HS3ST1: variants seen among roughly 807,000 people sequenced by gnomAD.
HS3ST1 encodes the protein heparan sulfate-glucosamine 3-sulfotransferase 1.
HS3ST1 carries 8 observed loss-of-function variants against 20.7 expected under a neutral mutation model. The observed-to-expected ratio is 0.39, with a 90% CI of 0.23 to 0.70. The LOEUF is 0.70. HS3ST1 is among the 30% of genes least tolerant of loss of function. The pLI, the probability that HS3ST1 is intolerant of heterozygous loss-of-function variation, is 0.46. For missense variants in HS3ST1, 436 were observed against 423.4 expected (o/e 1.03, Z -0.26); for synonymous variants, 205 against 190.4 (o/e 1.08, Z -0.63).
At chr4:11,419,482 T>C (rs1265101050) in intron 1 of HS3ST1, among the ~76,000 whole-genome samples, 1 of 150,954 alleles carries the variant, frequency 6.6e-6, no homozygotes, top group Non-Finnish European at 1.5e-5. Context: ...CTGTCGGAGG[T>C]TGGGGAGAGG....
chr4:11,424,650 C>G (rs1172160088), intron 1 of HS3ST1, among the ~76,000 whole-genome samples: 1 of 152,154 alleles, frequency 6.6e-6, no homozygotes, highest in East Asian at 1.9e-4. Context: ...GATGGTGTTG[C>G]AGAAAAGGCA....
chr4:11,432,266 T>C (rs948187834), upstream of HS3ST1, among the ~76,000 whole-genome samples: 4 of 152,166 alleles, frequency 2.6e-5, no homozygotes, highest in African/African-American at 9.7e-5. Context: ...TAACCCCCAG[T>C]CTAGTGGGCA....
chr4:11,426,553 T>C (rs1465554050), intron 1 of HS3ST1, among the ~76,000 whole-genome samples: 2 of 152,194 alleles, frequency 1.3e-5, no homozygotes, highest in Non-Finnish European at 2.9e-5. Flanking sequence ...TCTCACCAGC[T>C]TCTCAGAACA....
chr4:11,422,395 G>A (rs1440642406), intron 1 of HS3ST1, among the ~76,000 whole-genome samples: 1 of 152,162 alleles, frequency 6.6e-6, no homozygotes, highest in African/African-American at 2.4e-5. Flanking sequence ...GAGAGTGTGA[G>A]AAAGTAAGCA....
chr4:11,405,062 A>C (rs1330559264), intron 1 of HS3ST1, among the ~76,000 whole-genome samples: 1 of 152,240 alleles, frequency 6.6e-6, no homozygotes, highest in African/African-American at 2.4e-5. Flanking sequence ...CAAGTTATTA[A>C]TGAACTTGGC....
At chr4:11,413,470 G>A (rs1044775303) in intron 1 of HS3ST1, among the ~76,000 whole-genome samples, 3 of 152,052 alleles carry the variant, frequency 2.0e-5, no homozygotes, top group East Asian at 1.9e-4. Context: ...AGCCTCTTCC[G>A]CCTCTTCCTT....
Position 11,398,504 on chromosome 4 carries a change from A to G in HS3ST1, c.*578T>C, listed in dbSNP as rs1718207655. 6.6e-6 allele frequency: 1 copy of G among 152,292 alleles called. No individual in the cohort carries two copies. The highest frequency in any genetic ancestry group is 1.5e-5 in the Non-Finnish European group (1 of 68,094). The allele number at this position is 152,292 out of a possible 1,614,324, so 9.4% of individuals were successfully genotyped here. On this transcript the variant is annotated 3_prime_UTR_variant, in exon 2 of 2. Coordinates refer to ENST00000002596, the MANE Select transcript of HS3ST1 (RefSeq NM_005114.4). The stretch of plus-strand genomic sequence containing the variant: ...CTCCATCCTGAATATTGCTTTGTTT[A>G]CTTGAAGTTTACACATGGGAATGAG...
intron 1 of HS3ST1, among the ~76,000 whole-genome samples, chr4:11,426,147 T>G (rs1261344049): frequency 2.6e-5 from 4 of 152,198 alleles, no homozygotes; most frequent in Non-Finnish European, 5.9e-5. Flanking sequence ...TACATCTTAC[T>G]GTGCCTTCCT....
At chr4:11,406,045 CA>C (rs1362021858) in intron 1 of HS3ST1, among the ~76,000 whole-genome samples, 1 of 152,178 alleles carries the variant, frequency 6.6e-6, no homozygotes, top group East Asian at 1.9e-4. Flanking sequence ...CACACTGTCA[CA>C]GGCAGGAATC....
intron 1 of HS3ST1, among the ~76,000 whole-genome samples, chr4:11,419,394 C>T (rs140513817): frequency 7.2e-4 from 109 of 152,124 alleles, no homozygotes; most frequent in African/African-American, 2.4e-3. Flanking sequence ...TTTGTGACAC[C>T]GCATGTTCTC....
At chr4:11,417,757 G>C (rs1289590561) in intron 1 of HS3ST1, among the ~76,000 whole-genome samples, 5 of 152,126 alleles carry the variant, frequency 3.3e-5, no homozygotes, top group Non-Finnish European at 7.3e-5. Flanking sequence ...TGACAGAGCT[G>C]GGAAGGAAAA....
At chr4:11,404,819 C>T (rs554806343) in intron 1 of HS3ST1, among the ~76,000 whole-genome samples, 43 of 152,244 alleles carry the variant, frequency 2.8e-4, no homozygotes, top group Non-Finnish European at 5.7e-4. Context: ...CCATCTGCAG[C>T]AATTGCTACT....
intron 1 of HS3ST1, among the ~76,000 whole-genome samples, chr4:11,424,618 C>T (rs1719016742): frequency 6.6e-6 from 1 of 152,130 alleles, no homozygotes. Context: ...TGAAAGGAAC[C>T]TGGGCACCAG....
At chr4:11,433,613 C>T (rs1012123434), upstream of HS3ST1, among the ~76,000 whole-genome samples, 7 of 152,074 alleles carry the variant, frequency 4.6e-5, no homozygotes, top group Non-Finnish European at 5.9e-5. Context: ...TTTGATGAGT[C>T]GGTCTTAATG....
At chr4:11,418,586 C>G (rs1718846903) in intron 1 of HS3ST1, among the ~76,000 whole-genome samples, 1 of 152,128 alleles carries the variant, frequency 6.6e-6, no homozygotes, top group Admixed American at 6.6e-5. Context: ...AGCTCTGGCC[C>G]CAAGAATGAT....
upstream of HS3ST1, among the ~76,000 whole-genome samples, chr4:11,430,102 C>T (rs1484850377): frequency 6.6e-6 from 1 of 152,078 alleles, no homozygotes; most frequent in Non-Finnish European, 1.5e-5. Flanking sequence ...GAAATTGGCC[C>T]TTTAACTCAT....
intron 1 of HS3ST1, among the ~76,000 whole-genome samples, chr4:11,414,782 A>T (rs1168334797): frequency 6.6e-6 from 1 of 152,200 alleles, no homozygotes; most frequent in Non-Finnish European, 1.5e-5. Flanking sequence ...GCTTAGATTC[A>T]TAGAGAGAAT....
chr4:11,407,849 C>T (rs970349611), intron 1 of HS3ST1, among the ~76,000 whole-genome samples: 11 of 152,200 alleles, frequency 7.2e-5, no homozygotes, highest in Admixed American at 7.2e-4. Flanking sequence ...CTCATAAATT[C>T]CCAGAGGAGC....
At chr4:11,412,614 A>G (rs2108885709) in intron 1 of HS3ST1, among the ~76,000 whole-genome samples, 1 of 152,260 alleles carries the variant, frequency 6.6e-6, no homozygotes, top group East Asian at 1.9e-4. Context: ...TTAGTGGAAA[A>G]GAGGCTGTTT....
Sources: allele counts gnomAD v4.1 joint callset (sites outside exome capture counted in the v4.1 genomes callset), GRCh38; gene constraint gnomAD v4.1.1; transcripts MANE v1.5; gene names NCBI Gene and HGNC (gene_info 2026-07-23, HGNC 2026-07-21).